CREM: variants seen among roughly 807,000 people sequenced by gnomAD.
CREM encodes the protein cAMP responsive element modulator, also known as cAMP-responsive element modulator.
A neutral mutation model predicts 37.3 loss-of-function variants in CREM; 13 were observed. That is an observed-to-expected ratio of 0.35 (90% CI 0.23 to 0.55). CREM has a LOEUF of 0.55. CREM is among the 20% of genes least tolerant of loss of function. CREM has a pLI of 0.88. For synonymous variants in CREM, 124 were observed against 120.2 expected, an observed-to-expected ratio of 1.03 and a Z score of -0.21; for missense variants, 296 against 362.3, an observed-to-expected ratio of 0.82 and a Z score of 1.49.
intron 3 of CREM, among the ~76,000 whole-genome samples, chr10:35,153,263 A>T (rs1328281268): frequency 5.3e-5 from 8 of 151,478 alleles, no homozygotes; most frequent in Admixed American, 1.3e-4. Context: ...CAATAAAATT[A>T]AAAAAAAAGA....
chr10:35,179,992 A>G (rs1411389472), intron 5 of CREM: 1 of 152,250 alleles, frequency 6.6e-6, no homozygotes, highest in Non-Finnish European at 1.5e-5. Context: ...TAGGGATATC[A>G]CATATCCTAA....
intron 5 of CREM, among the ~76,000 whole-genome samples, chr10:35,180,493 A>G (rs989002069): frequency 3.3e-5 from 5 of 152,184 alleles, no homozygotes; most frequent in East Asian, 1.9e-4. Flanking sequence ...TATTAAATAC[A>G]TTCTCTGTTG....
intron 3 of CREM, among the ~76,000 whole-genome samples, chr10:35,177,842 C>T (rs1158267966): frequency 5.3e-5 from 8 of 152,004 alleles, no homozygotes; most frequent in African/African-American, 1.9e-4. Context: ...TGTGACAGCC[C>T]GGTGTAAAAT....
rs148776187 is a variant in CREM, at chr10:35,142,508, C to T, written c.44+4629C>T. 1.2e-3 allele frequency among the ~76,000 whole-genome samples: 181 copies of T among 152,204 alleles called. 2 individuals carry two copies. Among genetic ancestry groups the T allele is most frequent in the Admixed American group, 9.5e-3 (145 of 15,282 alleles). ...ACGCAGGGATTGAGAAGAGGGAGAA[C>T]ATTTGAAACAGTTGTTGAGAATGGG... On this transcript the variant is annotated intron_variant, in intron 2 of 7. Coordinates refer to ENST00000685392, the MANE Select transcript of CREM (RefSeq NM_183011.2).
rs541464211 is a variant in CREM at position 35,178,730 on chromosome 10, A to T, written c.169-159A>T. The T allele has an allele frequency of 1.9e-5, 10 of 539,878 alleles. No homozygotes were observed. In the South Asian group the frequency reaches 2.8e-4, roughly 15 times the overall value. The allele number at this position is 539,878 out of a possible 1,614,324, so 33.4% of individuals were successfully genotyped here. On this transcript the variant is annotated intron_variant, in intron 3 of 7. Transcript: ENST00000685392. ...GTTTGCGTCTGCGCTTCCTTTCTTG[A>T]GCCAGACTCCTTCAGTGCAGATTCA...
chr10:35,129,586 G>GT (rs1024627590), intron 1 of CREM, among the ~76,000 whole-genome samples: 1 of 152,160 alleles, frequency 6.6e-6, no homozygotes, highest in Non-Finnish European at 1.5e-5. Context: ...TAGGTTTATT[G>GT]TTTAAGTGGA....
chr10:35,131,707 G>A (rs1488069145), intron 1 of CREM, among the ~76,000 whole-genome samples: 1 of 152,078 alleles, frequency 6.6e-6, no homozygotes, highest in African/African-American at 2.4e-5. Context: ...TAAAATAATG[G>A]TAAAATTCTT....
chr10:35,211,105 A>C lies in CREM; in HGVS notation c.756-149A>C, dbSNP rs1311154294. On this transcript the variant is annotated intron_variant, in intron 7 of 7. Transcript: ENST00000685392. ...GTCTAATGGTTATCTTACAAAAAGC[A>C]TGTGCCTGGTTATGTTTGTTATGTG... The C allele has an allele frequency of 4.5e-6, 3 of 666,710 alleles. No homozygotes were observed. In the East Asian group the frequency reaches 8.7e-5, roughly 19 times the overall value. 41.3% of individuals were successfully genotyped at this position (666,710 alleles called of 1,614,324 possible).
chr10:35,195,247 T>C, intron 6 of CREM: 1 of 1,613,192 alleles, frequency 6.2e-7, no homozygotes, highest in Non-Finnish European at 8.5e-7. Context: ...TTCAGTTAAT[T>C]GTGCAGATTG....
chr10:35,145,899 T>TA (rs1466695748), intron 2 of CREM, among the ~76,000 whole-genome samples: 12 of 152,218 alleles, frequency 7.9e-5, no homozygotes, highest in South Asian at 6.2e-4. Context: ...TATAAGAAGT[T>TA]AAATTCTCAA....
chr10:35,201,363 ATGTGCCAGGCAC>A, intron 6 of CREM: 1 of 1,423,746 alleles, frequency 7.0e-7, no homozygotes, highest in African/African-American at 1.4e-5. Flanking sequence ...AGTGCCTGCC[ATGTGCCAGGCAC>A]TGTGCTAGAC....
chr10:35,143,566 G>A (rs1223362158), intron 2 of CREM, among the ~76,000 whole-genome samples: 5 of 152,186 alleles, frequency 3.3e-5, no homozygotes, highest in African/African-American at 1.2e-4. Flanking sequence ...ATTGATCTGA[G>A]GCATCTGGGT....
At chr10:35,138,826 C>A in intron 2 of CREM, among the ~76,000 whole-genome samples, 1 of 150,570 alleles carries the variant, frequency 6.6e-6, no homozygotes. Flanking sequence ...TGTTAAAGAC[C>A]AGCCTGGGGA....
intron 6 of CREM, among the ~76,000 whole-genome samples, chr10:35,189,641 G>C (rs975171918): frequency 6.6e-6 from 1 of 151,832 alleles, no homozygotes; most frequent in Non-Finnish European, 1.5e-5. Context: ...TCAGCCTCCC[G>C]AGTAGCTGGG....
At chr10:35,176,449 C>T (rs1327342778) in intron 3 of CREM, among the ~76,000 whole-genome samples, 3 of 149,570 alleles carry the variant, frequency 2.0e-5, no homozygotes, top group Non-Finnish European at 4.4e-5. Flanking sequence ...GCTTTGTCGC[C>T]CAGGCTGGAG....
chr10:35,150,601 C>T (rs535049530), intron 3 of CREM, among the ~76,000 whole-genome samples: 4 of 152,212 alleles, frequency 2.6e-5, no homozygotes, highest in East Asian at 1.9e-4. Context: ...GCAGGTGGAT[C>T]GCTTGAGGCC....
At chr10:35,151,468 C>T (rs1589499889) in intron 3 of CREM, among the ~76,000 whole-genome samples, 1 of 152,126 alleles carries the variant, frequency 6.6e-6, no homozygotes, top group African/African-American at 2.4e-5. Flanking sequence ...CTCCACCTCC[C>T]GGGTTCCAAT....
chr10:35,137,191 A>G (rs1209756361), intron 1 of CREM, among the ~76,000 whole-genome samples: 1 of 151,608 alleles, frequency 6.6e-6, no homozygotes, highest in East Asian at 1.9e-4. Context: ...AGATATTAGT[A>G]AAAAATAAAG....
At chr10:35,142,301 C>T (rs2091541757) in intron 2 of CREM, among the ~76,000 whole-genome samples, 1 of 152,044 alleles carries the variant, frequency 6.6e-6, no homozygotes, top group Non-Finnish European at 1.5e-5. Flanking sequence ...ATAGTATAAT[C>T]CCCTGGGGCA....
Sources: gnomAD v4.1 joint callset for allele counts (sites outside exome capture counted in the v4.1 genomes callset) on GRCh38, gnomAD v4.1.1 for gene constraint, MANE v1.5 for transcripts, NCBI Gene and HGNC (gene_info 2026-07-23, HGNC 2026-07-21) for gene names.